FAT4: variants seen among roughly 807,000 people sequenced by gnomAD.
FAT4 encodes protocadherin Fat 4.
In FAT4, 84 loss-of-function variants were observed where a neutral mutation model predicts 303.9. The observed-to-expected ratio is 0.28, with a 90% CI of 0.23 to 0.33. FAT4 has a LOEUF of 0.33. Ranked by LOEUF, FAT4 falls within the 10% of genes least tolerant of loss-of-function variation. The pLI is 1.00. For missense variants in FAT4, 6,005 were observed against 6,146.8 expected (o/e 0.98, Z 0.77); for synonymous variants, 2,307 against 2,298.8 (o/e 1.00, Z -0.10).
At chr4:125,434,907 A>G (rs993269446) in intron 8 of FAT4, among the ~76,000 whole-genome samples, 1 of 152,042 alleles carries the variant, frequency 6.6e-6, no homozygotes, top group Non-Finnish European at 1.5e-5. Flanking sequence ...GTGGTTCTCA[A>G]CTCCAAGAGC....
At chr4:125,341,729 A>G (rs918794686) in intron 2 of FAT4, among the ~76,000 whole-genome samples, 1 of 152,072 alleles carries the variant, frequency 6.6e-6, no homozygotes, top group Admixed American at 6.5e-5. Context: ...GTAACAGAAT[A>G]AGAAAACAAG....
rs1178710955 is a variant in FAT4, at chr4:125,449,150, A to G, written c.8140A>G (p.Met2714Val). The G allele has an allele frequency of 1.9e-6, 3 of 1,614,008 alleles. No individual in the cohort carries two copies. Among genetic ancestry groups the G allele is most frequent in the Admixed American group, 1.7e-5 (1 of 60,002 alleles). Residue 2714 changes from methionine to valine, a missense_variant, in exon 10 of 18, where the codon ATG becomes GTG. Transcript: ENST00000394329. The part of the protein sequence containing the change: ...QLDYEIVNGN[M>V]ENSFSINHAT... ...AGATTATGAAATTGTTAATGGCAAC[A>G]TGGAAAATAGTTTCAGTATCAATCA...
chr4:125,399,536 C>A (rs1734305005), intron 3 of FAT4, among the ~76,000 whole-genome samples: 1 of 151,892 alleles, frequency 6.6e-6, no homozygotes, highest in South Asian at 2.1e-4. Context: ...ACCTCTTTCC[C>A]CTTAAGCCAA....
At chr4:125,396,916 A>G (rs1268618521) in intron 2 of FAT4, among the ~76,000 whole-genome samples, 19 of 50,724 alleles carry the variant, frequency 3.7e-4, no homozygotes, top group South Asian at 1.2e-3. Flanking sequence ...ATGTATGTGT[A>G]TGTGTGTGTG....
chr4:125,345,272 G>C (rs939680788), intron 2 of FAT4, among the ~76,000 whole-genome samples: 2 of 151,972 alleles, frequency 1.3e-5, no homozygotes, highest in African/African-American at 4.8e-5. Flanking sequence ...ATAGAACAGC[G>C]AAAATATTCT....
chr4:125,363,012 G>T (rs1449118989), intron 2 of FAT4: 1 of 151,448 alleles, frequency 6.6e-6, no homozygotes, highest in Non-Finnish European at 1.5e-5. Context: ...ATATAAATGT[G>T]AAACTTTTAG....
chr4:125,344,437 C>A (rs1436803870), intron 2 of FAT4, among the ~76,000 whole-genome samples: 1 of 152,110 alleles, frequency 6.6e-6, no homozygotes, highest in Non-Finnish European at 1.5e-5. Flanking sequence ...GAGGCTTTAA[C>A]GACCAGAAAA....
At chr4:125,367,880 G>C (rs1348367856) in intron 2 of FAT4, among the ~76,000 whole-genome samples, 1 of 152,088 alleles carries the variant, frequency 6.6e-6, no homozygotes, top group Non-Finnish European at 1.5e-5. Context: ...CAGGGAAAAT[G>C]GTGAGTTCAT....
chr4:125,379,897 T>C (rs1733475923), intron 2 of FAT4, among the ~76,000 whole-genome samples: 2 of 152,116 alleles, frequency 1.3e-5, no homozygotes, highest in Admixed American at 1.3e-4. Context: ...GAGTTCACTC[T>C]TTTGTTTTGT....
intron 12 of FAT4, among the ~76,000 whole-genome samples, chr4:125,471,525 A>G (rs1184788620): frequency 6.6e-6 from 1 of 152,214 alleles, no homozygotes; most frequent in Non-Finnish European, 1.5e-5. Flanking sequence ...TTAAATAAAT[A>G]CTTTTCTTTA....
intron 11 of FAT4, among the ~76,000 whole-genome samples, chr4:125,465,702 A>G (rs1266345182): frequency 6.6e-6 from 1 of 152,186 alleles, no homozygotes; most frequent in Non-Finnish European, 1.5e-5. Flanking sequence ...GAAGAGGAAT[A>G]GCACAATGTA....
chr4:125,396,237 G>C (rs1734163822), intron 2 of FAT4, among the ~76,000 whole-genome samples: 1 of 151,982 alleles, frequency 6.6e-6, no homozygotes, highest in African/African-American at 2.4e-5. Flanking sequence ...TTAGGTCATA[G>C]GGCTCTGCTG....
chr4:125,485,986 G>A (rs1432221854), intron 16 of FAT4, among the ~76,000 whole-genome samples: 1 of 152,034 alleles, frequency 6.6e-6, no homozygotes, highest in Non-Finnish European at 1.5e-5. Context: ...GTACTGCCAG[G>A]GAGAAGGAAA....
At chr4:125,402,269 T>G (rs1320259663) in intron 3 of FAT4, among the ~76,000 whole-genome samples, 1 of 151,968 alleles carries the variant, frequency 6.6e-6, no homozygotes, top group Admixed American at 6.6e-5. Context: ...GGTTTTTGTT[T>G]CTTTTCTTTA....
At chr4:125,341,320 A>C (rs1280189356) in intron 2 of FAT4, among the ~76,000 whole-genome samples, 2 of 152,152 alleles carry the variant, frequency 1.3e-5, no homozygotes, top group Non-Finnish European at 2.9e-5. Context: ...GGTGTTTTTA[A>C]AAGAGGTGGC....
intron 2 of FAT4, among the ~76,000 whole-genome samples, chr4:125,326,241 G>A (rs1731152662): frequency 6.6e-6 from 1 of 151,936 alleles, no homozygotes; most frequent in Non-Finnish European, 1.5e-5. Context: ...AGACATTTGT[G>A]AGGTCAGTTT....
intron 7 of FAT4, among the ~76,000 whole-genome samples, chr4:125,421,164 C>G (rs1724864322): frequency 6.6e-6 from 1 of 152,186 alleles, no homozygotes; most frequent in South Asian, 2.1e-4. Flanking sequence ...CACAGACAAT[C>G]CATCTGCCTT....
In FAT4 at chr4:125,450,923, T is replaced by C. The variant is rs749454247; in HGVS notation, c.9913T>C (p.Tyr3305His). The C allele has an allele frequency of 1.9e-6, 3 of 1,614,164 alleles. No homozygotes were observed. The South Asian group carries it at 3.3e-5, about 18-fold the overall frequency. ...TGTGCCCCGTTTTGTTTCCAAACTT[T>C]ACTATTTTGAAATCTCAGAAGCAGC... The part of the protein sequence containing the change: ...EYVPRFVSKL[Y>H]YFEISEAAPK... Residue 3305 changes from tyrosine (Y) to histidine (H), a missense_variant, in exon 10 of 18, where the codon TAC becomes CAC. Physicochemically the swap from Tyr to His is moderately conservative, Grantham distance 83. Transcript: ENST00000394329.
chr4:125,434,119 T>C (rs1296907131), intron 7 of FAT4, 126 bp from the exon 8 acceptor site: 7 of 745,598 alleles, frequency 9.4e-6, no homozygotes, highest in East Asian at 8.0e-5. Flanking sequence ...CAATCACTTA[T>C]GTGTTCAGAA....
Sources: gnomAD v4.1 joint callset for allele counts (sites outside exome capture counted in the v4.1 genomes callset) on GRCh38, gnomAD v4.1.1 for gene constraint, MANE v1.5 for transcripts, NCBI Gene and HGNC (gene_info 2026-07-23, HGNC 2026-07-21) for gene names.